PTPRD: variants seen among roughly 807,000 people sequenced by gnomAD.
The protein encoded by PTPRD is receptor-type tyrosine-protein phosphatase delta.
Under a neutral mutation model 214.5 loss-of-function variants are expected in PTPRD, and 34 were observed. The ratio of observed to expected loss-of-function variants is 0.16; its 90% CI spans 0.12 to 0.21. PTPRD has a LOEUF of 0.21. PTPRD is among the 10% of genes least tolerant of loss of function. The pLI is 1.00. For synonymous variants in PTPRD, 1,128 were observed against 845.7 expected (o/e 1.33, Z -5.79); for missense variants, 2,545 against 2,398.7 (o/e 1.06, Z -1.27).
Position 8,318,059 on chromosome 9 carries a change from A to C in PTPRD, c.5671-117T>G, listed in dbSNP as rs182699080. The C allele has an allele frequency of 2.3e-4, 201 of 862,234 alleles. No individual in the cohort carries two copies. In the African/African-American group the frequency reaches 3.3e-3, roughly 14 times the overall value. 53.4% of individuals were successfully genotyped at this position (862,234 alleles called of 1,614,324 possible). ...ACATCTATATAGGGGCAAAATCACT[A>C]CTTTCGTCAACTGGTCTAATCCAAT... On this transcript the variant is annotated intron_variant, in intron 45 of 45. Coordinates refer to ENST00000381196, the MANE Select transcript of PTPRD (RefSeq NM_002839.4).
At chr9:9,124,304 G>C (rs2099821041) in intron 10 of PTPRD, among the ~76,000 whole-genome samples, 1 of 152,110 alleles carries the variant, frequency 6.6e-6, no homozygotes, top group Non-Finnish European at 1.5e-5. Flanking sequence ...ACATATATTA[G>C]TAAGATTCTT....
chr9:10,024,800 G>T (rs1295646427), intron 4 of PTPRD, among the ~76,000 whole-genome samples: 4 of 108,340 alleles, frequency 3.7e-5, no homozygotes, highest in East Asian at 5.7e-4. Flanking sequence ...CCCACAACAG[G>T]CCCCAGTGTG....
chr9:9,012,718 T>C (rs952524731), intron 11 of PTPRD, among the ~76,000 whole-genome samples: 2 of 152,176 alleles, frequency 1.3e-5, no homozygotes, highest in African/African-American at 4.8e-5. Context: ...TGATGCCATA[T>C]GTATGTATTT....
chr9:8,851,339 C>G (rs1353444444), intron 11 of PTPRD, among the ~76,000 whole-genome samples: 1 of 152,192 alleles, frequency 6.6e-6, no homozygotes, highest in Non-Finnish European at 1.5e-5. Flanking sequence ...GAGAGAAACG[C>G]TCTCTTTGTG....
chr9:10,026,895 T>C (rs1045890133), intron 4 of PTPRD, among the ~76,000 whole-genome samples: 1 of 149,334 alleles, frequency 6.7e-6, no homozygotes, highest in Middle Eastern at 3.5e-3. Context: ...GTGAGAAGGA[T>C]ATAAAATTGC....
intron 10 of PTPRD, among the ~76,000 whole-genome samples, chr9:9,019,392 A>G (rs1421255004): frequency 6.6e-6 from 1 of 152,056 alleles, no homozygotes; most frequent in Non-Finnish European, 1.5e-5. Flanking sequence ...CTGAGGGCTT[A>G]TTAAACTTTT....
At chr9:8,794,127 T>C (rs943999783) in intron 11 of PTPRD, among the ~76,000 whole-genome samples, 8 of 150,590 alleles carry the variant, frequency 5.3e-5, no homozygotes, top group African/African-American at 1.5e-4. Context: ...CAATGCATTT[T>C]TTCCCCCTGT....
chr9:10,307,393 AATGACAGGAC>A (rs1041718956), intron 3 of PTPRD, among the ~76,000 whole-genome samples: 2 of 152,046 alleles, frequency 1.3e-5, no homozygotes, highest in African/African-American at 4.8e-5. Flanking sequence ...TGTTGCTATA[AATGACAGGAC>A]TGTGTTCTTT....
At chr9:8,353,499 C>G (rs556182715) in intron 39 of PTPRD, among the ~76,000 whole-genome samples, 38 of 151,752 alleles carry the variant, frequency 2.5e-4, no homozygotes, top group African/African-American at 8.5e-4. Context: ...CTGGTGTGAT[C>G]TCGGCTCATC....
chr9:9,779,811 T>C (rs79937129), intron 5 of PTPRD, among the ~76,000 whole-genome samples: 2,301 of 152,302 alleles, frequency 0.015, 30 homozygotes, highest in Non-Finnish European at 0.024. Context: ...TAAATTAGTA[T>C]GTAAATTAGT....
intron 26 of PTPRD, among the ~76,000 whole-genome samples, chr9:8,495,511 T>A (rs2097244732): frequency 6.6e-6 from 1 of 152,220 alleles, no homozygotes; most frequent in African/African-American, 2.4e-5. Flanking sequence ...GATTTTAAAC[T>A]GCAGGTAATG....
At chr9:10,163,861 G>A (rs1241519198) in intron 3 of PTPRD, among the ~76,000 whole-genome samples, 1 of 151,512 alleles carries the variant, frequency 6.6e-6, no homozygotes, top group East Asian at 1.9e-4. Flanking sequence ...CATTCTTTTT[G>A]AAGGGTCATT....
intron 3 of PTPRD, among the ~76,000 whole-genome samples, chr9:10,295,520 G>A (rs980132647): frequency 6.6e-6 from 1 of 151,964 alleles, no homozygotes; most frequent in Non-Finnish European, 1.5e-5. Flanking sequence ...CTTTCTCTTA[G>A]GTTCTCCGAT....
chr9:10,391,608 C>T (rs970771365), intron 2 of PTPRD, among the ~76,000 whole-genome samples: 1 of 151,732 alleles, frequency 6.6e-6, no homozygotes, highest in Non-Finnish European at 1.5e-5. Context: ...CTGAGTATAA[C>T]CATTGCTCAA....
At chr9:9,919,047 T>C (rs939697627) in intron 5 of PTPRD, among the ~76,000 whole-genome samples, 1 of 152,152 alleles carries the variant, frequency 6.6e-6, no homozygotes, top group African/African-American at 2.4e-5. Context: ...TCTGGCAGCC[T>C]TTTATTTGCT....
chr9:9,324,995 T>C (rs946314432), intron 9 of PTPRD, among the ~76,000 whole-genome samples: 3 of 152,188 alleles, frequency 2.0e-5, no homozygotes, highest in African/African-American at 7.2e-5. Context: ...AAAGATCAGA[T>C]GGTTGTAGAT....
At chr9:8,669,150 G>C (rs930050478) in intron 12 of PTPRD, among the ~76,000 whole-genome samples, 1 of 152,132 alleles carries the variant, frequency 6.6e-6, no homozygotes, top group African/African-American at 2.4e-5. Flanking sequence ...ATGCATGTAG[G>C]CAGACAGTGG....
intron 35 of PTPRD, among the ~76,000 whole-genome samples, chr9:8,417,964 G>T (rs766664462): frequency 2.9e-4 from 44 of 152,232 alleles, no homozygotes; most frequent in Non-Finnish European, 4.4e-4. Flanking sequence ...ATTGCACTCT[G>T]TGTCTACATT....
At chr9:8,387,413 G>T (rs75764319) in intron 37 of PTPRD, among the ~76,000 whole-genome samples, 14,830 of 152,128 alleles carry the variant, frequency 0.097, 1,365 homozygotes, top group African/African-American at 0.24. Flanking sequence ...AATTTCATTT[G>T]GTTATTTCAA....
Sources: allele counts gnomAD v4.1 joint callset (sites outside exome capture counted in the v4.1 genomes callset), GRCh38; gene constraint gnomAD v4.1.1; transcripts MANE v1.5; gene names NCBI Gene and HGNC (gene_info 2026-07-23, HGNC 2026-07-21).